Variants in NAALADL2 observed in about 807,000 individuals in gnomAD.
The protein encoded by NAALADL2 is N-acetylated alpha-linked acidic dipeptidase like 2.
NAALADL2 carries 76 observed loss-of-function variants against 87.2 expected under a neutral mutation model. The observed-to-expected ratio is 0.87, with a 90% CI of 0.72 to 1.05. The LOEUF is 1.05. Ranked by LOEUF, NAALADL2 falls within the 50% of genes least tolerant of loss-of-function variation. The pLI is 0.00. For missense variants in NAALADL2, 1,089 were observed against 945.8 expected (o/e 1.15, Z -1.99); for synonymous variants, 354 against 331.0 (o/e 1.07, Z -0.75).
chr3:175,378,481 G>C (rs1416285591), intron 5 of NAALADL2, among the ~76,000 whole-genome samples: 1 of 152,188 alleles, frequency 6.6e-6, no homozygotes, highest in Non-Finnish European at 1.5e-5. Context: ...CTTTCACTTT[G>C]TGTTCCTTGA....
intron 1 of NAALADL2, among the ~76,000 whole-genome samples, chr3:174,977,039 G>A (rs1227833202): frequency 1.3e-5 from 2 of 152,084 alleles, no homozygotes; most frequent in South Asian, 2.1e-4. Flanking sequence ...GTGAGATGGT[G>A]GGCAATTTTA....
At chr3:175,525,995 T>G (rs976421800) in intron 9 of NAALADL2, among the ~76,000 whole-genome samples, 8 of 152,200 alleles carry the variant, frequency 5.3e-5, no homozygotes, top group African/African-American at 1.9e-4. Context: ...GATTTTAATA[T>G]TTATCAGAAC....
intron 2 of NAALADL2, among the ~76,000 whole-genome samples, chr3:174,566,758 C>T (rs1212160774): frequency 6.6e-6 from 1 of 150,790 alleles, no homozygotes; most frequent in African/African-American, 2.4e-5. Context: ...AAAAGTTTTC[C>T]TCTTGTTTCA....
intron 3 of NAALADL2, among the ~76,000 whole-genome samples, chr3:174,832,301 A>G (rs1189411248): frequency 1.3e-5 from 2 of 151,716 alleles, no homozygotes; most frequent in Non-Finnish European, 2.9e-5. Flanking sequence ...AGATTCTGGT[A>G]TGTTTTGTCT....
At chr3:174,979,389 T>C (rs1370359365) in intron 1 of NAALADL2, among the ~76,000 whole-genome samples, 2 of 141,178 alleles carry the variant, frequency 1.4e-5, no homozygotes, top group African/African-American at 5.5e-5. Flanking sequence ...CACTGCAAGC[T>C]CCGCCTCCTG....
rs1321115067 is a variant in NAALADL2, at chr3:175,371,675, A to G, written c.1090+47350A>G. ...TCCCGTCTCTACTAAAAATACAAAA[A>G]TTAGCTGGGTGTGGTGCAGGGGCCT... On this transcript the variant is annotated intron_variant, in intron 5 of 13. Coordinates refer to ENST00000454872, the MANE Select transcript of NAALADL2 (RefSeq NM_207015.3). Among the ~76,000 whole-genome samples the G allele has an allele frequency of 4.0e-5, 6 of 150,966 alleles. No homozygotes were observed. The East Asian group carries it at 1.2e-3, about 31-fold the overall frequency.
chr3:175,574,235 A>G (rs751411804), intron 9 of NAALADL2, among the ~76,000 whole-genome samples: 3 of 152,194 alleles, frequency 2.0e-5, no homozygotes, highest in Non-Finnish European at 2.9e-5. Flanking sequence ...TTTATTTTCT[A>G]TTAAAAACAA....
chr3:174,583,575 G>A (rs936039263), intron 2 of NAALADL2, among the ~76,000 whole-genome samples: 21 of 152,062 alleles, frequency 1.4e-4, no homozygotes, highest in African/African-American at 3.9e-4. Flanking sequence ...ACTCCTTAGG[G>A]TCAATTCTAC....
intron 2 of NAALADL2, among the ~76,000 whole-genome samples, chr3:174,634,623 T>C (rs866568346): frequency 6.6e-6 from 1 of 152,182 alleles, no homozygotes; most frequent in Non-Finnish European, 1.5e-5. Context: ...TATAAGACTT[T>C]CATGTTCTCT....
At chr3:175,123,369 AT>A (rs1726440909) in intron 2 of NAALADL2, among the ~76,000 whole-genome samples, 1 of 151,910 alleles carries the variant, frequency 6.6e-6, no homozygotes, top group South Asian at 2.1e-4. Flanking sequence ...CCAAGTCATG[AT>A]TTCTGTCATG....
intron 9 of NAALADL2, among the ~76,000 whole-genome samples, chr3:175,527,172 G>A (rs1733530534): frequency 6.6e-6 from 1 of 152,086 alleles, no homozygotes; most frequent in Non-Finnish European, 1.5e-5. Context: ...GGTTTGGATT[G>A]GTGTTTGCCC....
At chr3:174,759,281 T>C (rs887055646) in intron 3 of NAALADL2, among the ~76,000 whole-genome samples, 5 of 152,338 alleles carry the variant, frequency 3.3e-5, no homozygotes, top group Middle Eastern at 6.8e-3. Flanking sequence ...GATTTGCTTT[T>C]AGATAGGAAT....
intron 5 of NAALADL2, among the ~76,000 whole-genome samples, chr3:175,383,991 C>T (rs1437685790): frequency 6.6e-6 from 1 of 151,974 alleles, no homozygotes; most frequent in East Asian, 1.9e-4. Flanking sequence ...TTTCATGCAA[C>T]CCTGTTTTCA....
chr3:174,499,038 T>C (rs1330901026), intron 1 of NAALADL2, among the ~76,000 whole-genome samples: 1 of 152,140 alleles, frequency 6.6e-6, no homozygotes, highest in Non-Finnish European at 1.5e-5. Flanking sequence ...TTAATCTTTT[T>C]TATGTTATAA....
chr3:174,462,866 C>T (rs868458581), intron 1 of NAALADL2, among the ~76,000 whole-genome samples: 2 of 152,078 alleles, frequency 1.3e-5, no homozygotes, highest in African/African-American at 4.8e-5. Flanking sequence ...AAAATAAAGG[C>T]GCTAGTAGAC....
chr3:174,579,236 T>C (rs1320153822), intron 2 of NAALADL2, among the ~76,000 whole-genome samples: 1 of 151,960 alleles, frequency 6.6e-6, no homozygotes, highest in African/African-American at 2.4e-5. Flanking sequence ...AAAAATATAT[T>C]TCTCCCTAAA....
chr3:175,265,236 G>A (rs570104706), intron 4 of NAALADL2, among the ~76,000 whole-genome samples: 25 of 151,622 alleles, frequency 1.6e-4, no homozygotes, highest in African/African-American at 4.3e-4. Flanking sequence ...ATTTATTTCC[G>A]GAATGGTTAT....
chr3:174,680,743 A>G (rs1293236116), intron 2 of NAALADL2, among the ~76,000 whole-genome samples: 1 of 152,210 alleles, frequency 6.6e-6, no homozygotes, highest in African/African-American at 2.4e-5. Flanking sequence ...ACATAGTGAC[A>G]TGCTACTTAG....
intron 11 of NAALADL2, among the ~76,000 whole-genome samples, chr3:175,637,717 A>G (rs1451390590): frequency 1.3e-5 from 2 of 152,324 alleles, no homozygotes; most frequent in South Asian, 2.1e-4. Flanking sequence ...CTTCTTGTAC[A>G]GTCTGCAAAA....
Sources: allele counts gnomAD v4.1 joint callset (sites outside exome capture counted in the v4.1 genomes callset), GRCh38; gene constraint gnomAD v4.1.1; transcripts MANE v1.5; gene names NCBI Gene and HGNC (gene_info 2026-07-23, HGNC 2026-07-21).